The following KIF23 variants were observed in gnomAD, a reference collection of about 807,000 sequenced individuals.
KIF23 encodes kinesin family member 23.
In KIF23, 30 loss-of-function variants were observed where a neutral mutation model predicts 137.5. That is an observed-to-expected ratio of 0.22 (90% CI 0.16 to 0.30). The LOEUF (loss-of-function observed/expected upper bound fraction) is 0.30. KIF23 is among the 10% of genes least tolerant of loss of function. KIF23 has a pLI of 1.00. For synonymous variants in KIF23, 367 were observed against 391.1 expected (o/e 0.94, Z 0.73); for missense variants, 920 against 1,194.3 (o/e 0.77, Z 3.38).
chr15:69,423,283 A>G lies in KIF23; in HGVS notation c.688A>G (p.Ile230Val). The change falls in exon 7 of 24, where the codon ATA (isoleucine) becomes GTA (valine). Residue 230 changes from isoleucine to valine, a missense_variant. Transcript: ENST00000679126. ...VSYIEIYNNY[I>V]YDLLEEVPFD... is the part of the protein sequence containing the mutation. ...TTATATTGAAATATATAATAATTAC[A>G]TATATGATCTATTGGAAGAGGTGCC... 6 of 1,582,748 alleles carry G rather than the reference A, an allele frequency of 3.8e-6. No homozygotes were observed. Among genetic ancestry groups the G allele is most frequent in the South Asian group, 1.2e-5 (1 of 85,948 alleles).
chr15:69,442,247 A>T (rs16953330), intron 19 of KIF23, among the ~76,000 whole-genome samples: 36 of 152,174 alleles, frequency 2.4e-4, no homozygotes, highest in African/African-American at 8.2e-4. Flanking sequence ...TGCCCAATAA[A>T]TTGCTTTTAA....
At chr15:69,446,198 A>G in intron 21 of KIF23, 85 bp from the exon 22 acceptor site, 1 of 1,414,280 alleles carries the variant, frequency 7.1e-7, no homozygotes, top group South Asian at 1.1e-5. Flanking sequence ...CTCCAAAGGG[A>G]TGTAGATAGT....
intron 3 of KIF23, 80 bp downstream of exon 3, chr15:69,417,591 G>T: frequency 7.0e-7 from 1 of 1,426,994 alleles, no homozygotes; most frequent in Non-Finnish European, 9.5e-7. Context: ...ATGTAACAAA[G>T]TTCATTTGTG....
At position 69,422,442 on chromosome 15, in the gene KIF23, A is replaced by G. The variant is rs1466079637; in HGVS notation, c.563+7A>G. 1.3e-6 allele frequency: 2 copies of G among 1,517,650 alleles called. No homozygotes were observed. Among genetic ancestry groups the G allele is most frequent in the Non-Finnish European group, 1.8e-6 (2 of 1,092,676 alleles). 94.0% of individuals were successfully genotyped at this position (1,517,650 alleles called of 1,614,324 possible). A position where few individuals can be genotyped will look rare whatever the true frequency, so the allele number is the denominator to read the frequency against. On this transcript the variant is annotated splice_region_variant and intron_variant, in intron 6 of 23. Transcript: ENST00000679126. The stretch of plus-strand genomic sequence containing the variant: ...CAAAGACTTCTTCTAGCAAGTAAGT[A>G]ATTATATTTGTCTGCAGCACTGGCC...
At position 69,423,190 on chromosome 15, in the gene KIF23, A is replaced by G. The variant is rs1264628335; in HGVS notation, c.595A>G (p.Ile199Val). Residue 199 changes from isoleucine (I) to valine (V), a missense_variant, in exon 7 of 24, where the codon ATA becomes GTA. Ile to Val is a conservative substitution (Grantham distance 29). Transcript: ENST00000679126. ...AGTAGATCCAGAGTTTGCAGATATG[A>G]TAACTGTACAAGAATTCTGCAAAGC... ...RQVDPEFADM[I>V]TVQEFCKAEE... 1 of 1,601,468 alleles carries G rather than the reference A, an allele frequency of 6.2e-7. No homozygotes were observed. Among genetic ancestry groups the G allele is most frequent in the Non-Finnish European group, 8.5e-7 (1 of 1,173,468 alleles).
intron 22 of KIF23, 168 bp downstream of exon 22, chr15:69,446,532 G>T (rs2057744070): frequency 3.1e-6 from 2 of 637,158 alleles, no homozygotes; most frequent in Admixed American, 2.9e-5. Flanking sequence ...ACTTCATCAG[G>T]AACTCCCTTG....
chr15:69,435,353 C>T, intron 11 of KIF23, 130 bp from the exon 12 acceptor site: 1 of 684,814 alleles, frequency 1.5e-6, no homozygotes. Context: ...TTATATTGAG[C>T]CACAAAAATT....
intron 10 of KIF23, among the ~76,000 whole-genome samples, chr15:69,428,232 C>T (rs1213657204): frequency 2.0e-5 from 3 of 150,082 alleles, no homozygotes; most frequent in Middle Eastern, 3.3e-3. Context: ...TCCAGCCTGG[C>T]GACAGAGTGA....
intron 12 of KIF23, 27 bp downstream of exon 12, chr15:69,435,589 T>C: frequency 1.2e-6 from 2 of 1,613,480 alleles, no homozygotes; most frequent in Non-Finnish European, 1.7e-6. Flanking sequence ...TCTGTTCTTT[T>C]GTATAGTTTC....
chr15:69,425,085 T>C (rs1034405992), intron 7 of KIF23, among the ~76,000 whole-genome samples, 197 bp from the exon 8 acceptor site: 1 of 152,176 alleles, frequency 6.6e-6, no homozygotes, highest in Non-Finnish European at 1.5e-5. Context: ...TGAATTCAGA[T>C]TTAATTTGTT....
chr15:69,421,390 A>G (rs892894930), intron 3 of KIF23, among the ~76,000 whole-genome samples: 9 of 152,064 alleles, frequency 5.9e-5, no homozygotes, highest in African/African-American at 1.7e-4. Flanking sequence ...CTCTGTCTCA[A>G]AAAAAAAGAG....
At chr15:69,422,983 G>T in intron 6 of KIF23, 176 bp from the exon 7 acceptor site, 1 of 472,048 alleles carries the variant, frequency 2.1e-6, no homozygotes. Flanking sequence ...ATTTTTAGTA[G>T]AGACGGGGTT....
At chr15:69,425,495 C>T (rs1014904423) in intron 8 of KIF23, among the ~76,000 whole-genome samples, 172 bp downstream of exon 8, 1 of 152,184 alleles carries the variant, frequency 6.6e-6, no homozygotes, top group Non-Finnish European at 1.5e-5. Context: ...GTGATGGTGG[C>T]TGGTAAATGT....
At chr15:69,442,239 C>A (rs929708013) in intron 19 of KIF23, among the ~76,000 whole-genome samples, 3 of 152,066 alleles carry the variant, frequency 2.0e-5, no homozygotes, top group African/African-American at 7.2e-5. Context: ...GATTTCCATG[C>A]CCAATAAATT....
At chr15:69,443,613 C>T (rs1278769942) in intron 19 of KIF23, 2 of 151,992 alleles carry the variant, frequency 1.3e-5, no homozygotes, top group African/African-American at 2.4e-5. Context: ...AGGTATGAGC[C>T]ACTGCACCCA....
At chr15:69,447,034 C>A (rs1264137736) in intron 23 of KIF23, 93 bp downstream of exon 23, 1 of 1,177,328 alleles carries the variant, frequency 8.5e-7, no homozygotes. Flanking sequence ...TCCACTTATT[C>A]TTCAGAAGAA....
intron 7 of KIF23, among the ~76,000 whole-genome samples, chr15:69,423,581 A>G (rs2057115851): frequency 6.6e-6 from 1 of 152,128 alleles, no homozygotes; most frequent in South Asian, 2.1e-4. Flanking sequence ...CATCTTGGAG[A>G]TTACTTTTGA....
Position 69,426,191 on chromosome 15 carries a change from C to A in KIF23, c.889+9C>A. 1.3e-6 allele frequency: 2 copies of A among 1,596,772 alleles called. No homozygotes were observed. The highest frequency in any genetic ancestry group is 1.7e-6 in the Non-Finnish European group (2 of 1,170,530). On this transcript the variant is annotated intron_variant, in intron 9 of 23. Transcript: ENST00000679126. ...TGAAGTTTTCTGGAGAGGTTAGAAA[C>A]ACCTAGAACTAGAAAAATACAGAAT...
intron 3 of KIF23, among the ~76,000 whole-genome samples, chr15:69,418,678 GA>G (rs1484143721): frequency 6.6e-6 from 1 of 152,210 alleles, no homozygotes; most frequent in African/African-American, 2.4e-5. Flanking sequence ...TGTAATGAAG[GA>G]GTAGCTTTTT....
Sources: allele counts gnomAD v4.1 joint callset (sites outside exome capture counted in the v4.1 genomes callset), GRCh38; gene constraint gnomAD v4.1.1; transcripts MANE v1.5; gene names NCBI Gene and HGNC (gene_info 2026-07-23, HGNC 2026-07-21).